Variants in GLCE observed in about 807,000 individuals in gnomAD.
GLCE encodes the protein D-glucuronyl C5-epimerase.
In GLCE, 19 loss-of-function variants were observed where a neutral mutation model predicts 47.9. The observed-to-expected ratio is 0.40, with a 90% CI of 0.28 to 0.58. The LOEUF is 0.58. Ranked by LOEUF, GLCE falls within the 20% of genes least tolerant of loss-of-function variation. The pLI is 0.48. For synonymous variants in GLCE, 245 were observed against 263.4 expected, an observed-to-expected ratio of 0.93 and a Z score of 0.68; for missense variants, 556 against 743.3, an observed-to-expected ratio of 0.75 and a Z score of 2.93.
At chr15:69,187,258 C>G (rs1786886983) in intron 1 of GLCE, among the ~76,000 whole-genome samples, 1 of 152,018 alleles carries the variant, frequency 6.6e-6, no homozygotes, top group African/African-American at 2.4e-5. Context: ...ATAGCTTTTT[C>G]TAAATGAAAA....
intron 2 of GLCE, among the ~76,000 whole-genome samples, chr15:69,242,056 C>G (rs912981168): frequency 1.3e-5 from 2 of 152,030 alleles, no homozygotes; most frequent in Admixed American, 6.6e-5. Flanking sequence ...TGGATTGTTG[C>G]AGAAATTAAA....
At chr15:69,230,952 C>G (rs1325239136) in intron 2 of GLCE, among the ~76,000 whole-genome samples, 1 of 152,132 alleles carries the variant, frequency 6.6e-6, no homozygotes, top group Non-Finnish European at 1.5e-5. Flanking sequence ...TATTCCTTGG[C>G]TCATGGCTCC....
chr15:69,254,579 G>A (rs2052895015), intron 2 of GLCE, among the ~76,000 whole-genome samples: 1 of 152,144 alleles, frequency 6.6e-6, no homozygotes. Flanking sequence ...GTGAAAAGAG[G>A]TCAGATTCTG....
intron 2 of GLCE, among the ~76,000 whole-genome samples, chr15:69,217,087 A>G (rs1042171364): frequency 3.3e-5 from 5 of 152,066 alleles, no homozygotes; most frequent in African/African-American, 9.7e-5. Flanking sequence ...CAGTGTTGTT[A>G]TTATGATGAT....
At chr15:69,166,448 G>A (rs1396909017) in intron 1 of GLCE, among the ~76,000 whole-genome samples, 1 of 152,154 alleles carries the variant, frequency 6.6e-6, no homozygotes, top group Non-Finnish European at 1.5e-5. Flanking sequence ...TTCCAAAAAA[G>A]CTAAAGTAGA....
intron 2 of GLCE, among the ~76,000 whole-genome samples, chr15:69,239,348 T>C (rs1330607497): frequency 1.3e-5 from 2 of 152,146 alleles, no homozygotes; most frequent in Admixed American, 1.3e-4. Flanking sequence ...TAAGGTGATG[T>C]AGAAAGATAG....
chr15:69,194,842 A>T (rs1028443248), intron 1 of GLCE, among the ~76,000 whole-genome samples: 1 of 152,142 alleles, frequency 6.6e-6, no homozygotes, highest in Non-Finnish European at 1.5e-5. Context: ...TACCATCTGC[A>T]AAGCACTTTT....
At chr15:69,167,333 G>A (rs534662735) in intron 1 of GLCE, among the ~76,000 whole-genome samples, 7 of 152,382 alleles carry the variant, frequency 4.6e-5, no homozygotes, top group African/African-American at 1.4e-4. Context: ...TTTTATAAAA[G>A]TAATGTTGAG....
At chr15:69,186,215 C>A (rs1406663889) in intron 1 of GLCE, among the ~76,000 whole-genome samples, 3 of 152,024 alleles carry the variant, frequency 2.0e-5, no homozygotes, top group Non-Finnish European at 4.4e-5. Flanking sequence ...GGGTATGAGG[C>A]AGGACCCTCT....
At chr15:69,255,766 A>G in intron 2 of GLCE, 28 bp from the exon 3 acceptor site, 3 of 1,344,638 alleles carry the variant, frequency 2.2e-6, no homozygotes, top group Non-Finnish European at 3.2e-6. Flanking sequence ...ACATCTTTGC[A>G]TGATTTTTTT....
chr15:69,221,590 C>G (rs182550508), intron 2 of GLCE, among the ~76,000 whole-genome samples: 2 of 151,776 alleles, frequency 1.3e-5, no homozygotes, highest in African/African-American at 2.4e-5. Context: ...AGGCTGGGCA[C>G]GGTGGCTCAT....
rs1158547538 is a variant in GLCE, at chr15:69,256,136, C to G, written c.330C>G (p.Leu110=). Residue 110 remains leucine (L), a synonymous_variant, in exon 3 of 5, where the codon CTC becomes CTG. Transcript: ENST00000261858. ...TCAAATATGAAGAAATTGACTGTCT[C>G]ATAAATGATGAACACACAATTAAAG... ...LGLKYEEIDC[L]INDEHTIKGR... The G allele has an allele frequency of 6.2e-7, 1 of 1,613,994 alleles. No individual in the cohort carries two copies. The highest frequency in any genetic ancestry group is 1.1e-5 in the South Asian group (1 of 91,066).
chr15:69,168,744 C>T (rs2051541788), intron 1 of GLCE, among the ~76,000 whole-genome samples: 3 of 152,118 alleles, frequency 2.0e-5, no homozygotes, highest in Admixed American at 2.0e-4. Flanking sequence ...GTTGGTCAGG[C>T]TGGTCTCAAA....
intron 2 of GLCE, among the ~76,000 whole-genome samples, chr15:69,218,635 G>A (rs2052339181): frequency 1.3e-5 from 2 of 152,184 alleles, no homozygotes; most frequent in African/African-American, 4.8e-5. Context: ...AGACAAGACT[G>A]AAATTTCAAC....
intron 1 of GLCE, among the ~76,000 whole-genome samples, chr15:69,163,106 G>T (rs1045921248): frequency 1.3e-5 from 2 of 152,176 alleles, no homozygotes; most frequent in Non-Finnish European, 2.9e-5. Flanking sequence ...ACAACTGATT[G>T]CTTGAGCAGA....
At chr15:69,196,760 A>T (rs2052000166) in intron 1 of GLCE, 1 of 161,708 alleles carries the variant, frequency 6.2e-6, no homozygotes, top group African/African-American at 2.4e-5. Context: ...TAAAAGCTCG[A>T]TAAGTGGGTG....
intron 1 of GLCE, among the ~76,000 whole-genome samples, chr15:69,191,967 A>C (rs2051919494): frequency 6.6e-6 from 1 of 152,100 alleles, no homozygotes; most frequent in Non-Finnish European, 1.5e-5. Context: ...TGCTCCATTG[A>C]ATGTAATGTA....
intron 1 of GLCE, among the ~76,000 whole-genome samples, chr15:69,184,120 G>A (rs2051788950): frequency 6.6e-6 from 1 of 152,120 alleles, no homozygotes; most frequent in African/African-American, 2.4e-5. Flanking sequence ...AGAATTTATA[G>A]GCATTCTCTA....
intron 2 of GLCE, among the ~76,000 whole-genome samples, chr15:69,218,437 C>T (rs2052336696): frequency 6.6e-6 from 1 of 152,106 alleles, no homozygotes; most frequent in East Asian, 1.9e-4. Context: ...TCGCTTGAGC[C>T]TGGGAGGCAG....
Sources: gnomAD v4.1 joint callset for allele counts (sites outside exome capture counted in the v4.1 genomes callset) on GRCh38, gnomAD v4.1.1 for gene constraint, MANE v1.5 for transcripts, NCBI Gene and HGNC (gene_info 2026-07-23, HGNC 2026-07-21) for gene names.